Variants in ILKAP observed in about 807,000 individuals in gnomAD.
ILKAP encodes integrin-linked kinase-associated serine/threonine phosphatase 2C.
ILKAP carries 11 observed loss-of-function variants against 49.1 expected under a neutral mutation model. The ratio of observed to expected loss-of-function variants is 0.22; its 90% CI spans 0.14 to 0.37. The LOEUF (loss-of-function observed/expected upper bound fraction) is 0.37, where lower values mean the gene tolerates loss of function less well. ILKAP is among the 10% of genes least tolerant of loss of function. The probability of loss-of-function intolerance (pLI) is 1.00; values close to 1 mark genes in which losing one functional copy is unlikely to be tolerated. For missense variants in ILKAP, 363 were observed against 510.8 expected (o/e 0.71, Z 2.79); for synonymous variants, 186 against 192.8 (o/e 0.96, Z 0.29).
intron 9 of ILKAP, among the ~76,000 whole-genome samples, chr2:238,175,982 A>C (rs1477189589): frequency 6.6e-6 from 1 of 151,818 alleles, no homozygotes; most frequent in Non-Finnish European, 1.5e-5. Context: ...AGTCTGCGCT[A>C]CTCTAGACAC....
At chr2:238,202,104 A>T (rs1301801343) in intron 1 of ILKAP, among the ~76,000 whole-genome samples, 1 of 152,178 alleles carries the variant, frequency 6.6e-6, no homozygotes, top group Non-Finnish European at 1.5e-5. Flanking sequence ...CGGCGCCTGT[A>T]ATCTCAGCTA....
At chr2:238,189,035 C>G (rs779187029) in intron 4 of ILKAP, among the ~76,000 whole-genome samples, 13 of 152,154 alleles carry the variant, frequency 8.5e-5, no homozygotes, top group Non-Finnish European at 1.5e-5. Context: ...TCCCACAGCT[C>G]GGGCCAGGCA....
chr2:238,186,833 C>T (rs1419094295), intron 5 of ILKAP: 1 of 152,090 alleles, frequency 6.6e-6, no homozygotes, highest in Non-Finnish European at 1.5e-5. Flanking sequence ...AAAACCTCAT[C>T]TGGTTTATAA....
At chr2:238,171,153 CTTT>C (rs1246251216) in intron 10 of ILKAP, 129 bp from the exon 11 acceptor site, 283 of 508,172 alleles carry the variant, frequency 5.6e-4, no homozygotes, top group Non-Finnish European at 7.1e-4. Flanking sequence ...TTTTTTTTTT[CTTT>C]TTTCTTTTTT....
At chr2:238,184,440 G>A (rs1173535975) in intron 6 of ILKAP, among the ~76,000 whole-genome samples, 3 of 151,868 alleles carry the variant, frequency 2.0e-5, no homozygotes, top group African/African-American at 4.8e-5. Flanking sequence ...CACCTGCCTC[G>A]GCCTCCCAAA....
At chr2:238,178,267 G>C (rs994684835) in intron 9 of ILKAP, among the ~76,000 whole-genome samples, 3 of 152,192 alleles carry the variant, frequency 2.0e-5, no homozygotes, top group African/African-American at 4.8e-5. Context: ...CTGTATCCTA[G>C]AACTCCTAGA....
At chr2:238,189,626 A>G in intron 4 of ILKAP, 1 of 337,494 alleles carries the variant, frequency 3.0e-6, no homozygotes, top group Non-Finnish European at 5.4e-6. Context: ...CTTGAGGAAC[A>G]AATGTAGGTT....
chr2:238,174,336 C>G (rs552317743), intron 9 of ILKAP, among the ~76,000 whole-genome samples: 2 of 152,258 alleles, frequency 1.3e-5, no homozygotes, highest in South Asian at 2.1e-4. Flanking sequence ...TTTGGGGAAG[C>G]CTACTGCCCC....
chr2:238,182,931 C>A (rs557426637), intron 8 of ILKAP, among the ~76,000 whole-genome samples: 5 of 152,270 alleles, frequency 3.3e-5, no homozygotes, highest in Non-Finnish European at 7.4e-5. Flanking sequence ...AATCATCCCC[C>A]CAGAAGCATC....
intron 1 of ILKAP, among the ~76,000 whole-genome samples, 162 bp downstream of exon 1, chr2:238,203,337 A>G (rs1221882787): frequency 2.0e-5 from 3 of 150,262 alleles, no homozygotes; most frequent in African/African-American, 7.3e-5. Context: ...CAGGGCCGCC[A>G]GTGGGCCGGA....
chr2:238,172,602 C>T lies in ILKAP; in HGVS notation c.956+932G>A, dbSNP rs549477978. Reference sequence around the variant, plus strand: ...GCTGGAGAGATGATGGAGGACCCCGCGGTACGTGAGAACATGACAAACACA... The same window carrying T: ...GCTGGAGAGATGATGGAGGACCCCGTGGTACGTGAGAACATGACAAACACA... On this transcript the variant is annotated intron_variant, in intron 10 of 11. Transcript: ENST00000254654. 2.5e-4 allele frequency among the ~76,000 whole-genome samples: 38 copies of T among 152,322 alleles called. No individual in the cohort carries two copies. In the East Asian group the frequency reaches 4.6e-3, roughly 19 times the overall value.
intron 1 of ILKAP, among the ~76,000 whole-genome samples, chr2:238,201,948 G>A (rs968149471): frequency 6.6e-6 from 1 of 152,194 alleles, no homozygotes; most frequent in African/African-American, 2.4e-5. Flanking sequence ...GTGGGGGCAG[G>A]GCACGGTGGC....
At chr2:238,180,299 C>G (rs1307525916) in intron 9 of ILKAP, among the ~76,000 whole-genome samples, 1 of 152,098 alleles carries the variant, frequency 6.6e-6, no homozygotes, top group Non-Finnish European at 1.5e-5. Flanking sequence ...AAAATATAGA[C>G]AGGGTATTAG....
intron 9 of ILKAP, among the ~76,000 whole-genome samples, chr2:238,174,892 C>G (rs1693379715): frequency 6.6e-6 from 1 of 152,140 alleles, no homozygotes. Context: ...TCTCCCATGA[C>G]CAGGTGACTG....
intron 9 of ILKAP, among the ~76,000 whole-genome samples, chr2:238,174,841 C>CAG (rs2106326565): frequency 6.7e-6 from 1 of 149,050 alleles, no homozygotes; most frequent in Non-Finnish European, 1.5e-5. Context: ...CTTCAGGAAG[C>CAG]AGCTCACAGT....
chr2:238,199,757 C>T (rs769341655), intron 1 of ILKAP, among the ~76,000 whole-genome samples: 33 of 151,568 alleles, frequency 2.2e-4, no homozygotes, highest in Non-Finnish European at 3.5e-4. Flanking sequence ...ATACCTTAAC[C>T]TTTATGTTCA....
chr2:238,203,131 G>A (rs1346300498), intron 1 of ILKAP, among the ~76,000 whole-genome samples: 4 of 151,160 alleles, frequency 2.6e-5, no homozygotes, highest in African/African-American at 7.3e-5. Context: ...CAGGCCGCGG[G>A]TGGAATCGGG....
At chr2:238,182,780 T>C (rs779006108) in intron 8 of ILKAP, among the ~76,000 whole-genome samples, 5 of 152,212 alleles carry the variant, frequency 3.3e-5, no homozygotes, top group African/African-American at 4.8e-5. Context: ...ATTTTCCTCT[T>C]GCTATTTCTG....
chr2:238,187,578 T>A (rs1460320002), intron 5 of ILKAP, among the ~76,000 whole-genome samples: 3 of 152,232 alleles, frequency 2.0e-5, no homozygotes, highest in Non-Finnish European at 2.9e-5. Flanking sequence ...TTTTTCATTG[T>A]CTGTCTTTTC....
Sources: allele counts gnomAD v4.1 joint callset (sites outside exome capture counted in the v4.1 genomes callset), GRCh38; gene constraint gnomAD v4.1.1; transcripts MANE v1.5; gene names NCBI Gene and HGNC (gene_info 2026-07-23, HGNC 2026-07-21).